The following CSRNP1 variants were observed in gnomAD, a reference collection of about 807,000 sequenced individuals.
CSRNP1 encodes cysteine/serine-rich nuclear protein 1.
Under a neutral mutation model 25.0 loss-of-function variants are expected in CSRNP1, and 8 were observed. The ratio of observed to expected loss-of-function variants is 0.32; its 90% CI spans 0.19 to 0.58. CSRNP1 has a LOEUF of 0.58. CSRNP1 is among the 20% of genes least tolerant of loss of function. The probability of loss-of-function intolerance (pLI) is 0.88; values close to 1 mark genes in which losing one functional copy is unlikely to be tolerated. For synonymous variants in CSRNP1, 305 were observed against 303.1 expected (o/e 1.01, Z -0.06); for missense variants, 691 against 773.1 (o/e 0.89, Z 1.26).
intron 1 of CSRNP1, chr3:39,150,504 T>G (rs2039565406): frequency 6.6e-6 from 1 of 152,132 alleles, no homozygotes; most frequent in African/African-American, 2.4e-5. Flanking sequence ...CCTGTCACAG[T>G]TAATTTAAGA....
chr3:39,152,767 G>A (rs938569509), intron 1 of CSRNP1: 1 of 154,594 alleles, frequency 6.5e-6, no homozygotes, highest in Non-Finnish European at 1.4e-5. Flanking sequence ...GCGGAAGGAG[G>A]AGAAGTGCGT....
chr3:39,151,956 C>T (rs1391432475), intron 1 of CSRNP1: 1 of 152,388 alleles, frequency 6.6e-6, no homozygotes. Flanking sequence ...GGGCCTTCTT[C>T]CCTCTCTCAT....
rs1411840857 is a variant in CSRNP1, at chr3:39,143,502, G to A, written c.1323C>T (p.Thr441=). ...TGAAGCTACAGCCAGAATAGCTGTG[G>A]GTCCAGCTGGCCAGGCCACCAGGGT... is the stretch of plus-strand genomic sequence containing the variant. The part of the protein sequence containing the change: ...TSDPGGLASW[T]HSYSGCSFTS... The change falls in exon 5 of 5, where the codon ACC becomes ACT. Residue 441 remains threonine (T), a synonymous_variant. Coordinates refer to ENST00000273153, the MANE Select transcript of CSRNP1 (RefSeq NM_033027.4). 6.2e-7 allele frequency: 1 copy of A among 1,614,126 alleles called. No homozygotes were observed. Among genetic ancestry groups the A allele is most frequent in the Admixed American group, 1.7e-5 (1 of 60,016 alleles).
rs1027304792 is a variant in CSRNP1, at chr3:39,146,582, G to A, written c.101C>T (p.Ser34Phe). 5 of 1,560,422 alleles carry A rather than the reference G, an allele frequency of 3.2e-6. No homozygotes were observed. The highest frequency in any genetic ancestry group is 1.7e-4 in the Middle Eastern group (1 of 5,998). Residue 34 changes from serine to phenylalanine, a missense_variant, in exon 2 of 5, where the codon TCC (serine) becomes TTC (phenylalanine). Ser to Phe is a radical substitution (Grantham distance 155). Transcript: ENST00000273153. Reference sequence around the variant, plus strand: ...GGCACGGGAGACAGAAGAGCTTGGGGAGCAGGAGCGAGACTGGCACCCAGA... The same window carrying A: ...GGCACGGGAGACAGAAGAGCTTGGGAAGCAGGAGCGAGACTGGCACCCAGA... ...SSSGCQSRSC[S>F]PSSSVSRAWD... is the part of the protein sequence containing the mutation.
chr3:39,144,852 A>C (rs962922735), intron 3 of CSRNP1, 145 bp downstream of exon 3: 68 of 1,017,144 alleles, frequency 6.7e-5, no homozygotes, highest in Non-Finnish European at 9.1e-5. Flanking sequence ...AACAGGCTCC[A>C]ATCAAGCCAA....
rs546791604 is a variant in CSRNP1 at position 39,143,651 on chromosome 3, C to A, written c.1174G>T (p.Ala392Ser). Residue 392 changes from alanine to serine, a missense_variant, in exon 5 of 5, where the codon GCA becomes TCA. Ala to Ser is a moderately conservative substitution (Grantham distance 99). Transcript: ENST00000273153. ...FQPGVDDDSL[A>S]RILSFSDSDF... ...GAGTCACTGAAACTCAAGATGCGTG[C>A]CAGGCTGTCATCATCAACGCCAGGC... The A allele has an allele frequency of 6.2e-7, 1 of 1,614,228 alleles. No homozygotes were observed. Among genetic ancestry groups the A allele is most frequent in the East Asian group, 2.2e-5 (1 of 44,876 alleles).
Position 39,144,330 on chromosome 3 carries a change from A to C in CSRNP1, c.587T>G (p.Val196Gly), listed in dbSNP as rs941546443. The stretch of plus-strand genomic sequence containing the variant: ...GGCTGGGTAGGGCTGTAGGAAGCTC[A>C]CTTCTTCCAACCGGCCACCTGCCAC... Reference protein sequence around the residue: ...VAVAGGRLEEVSFLQPYPARR... With the variant: ...VAVAGGRLEEGSFLQPYPARR... Residue 196 changes from valine to glycine, a missense_variant, in exon 4 of 5, where the codon GTG (valine) becomes GGG (glycine). Coordinates refer to ENST00000273153, the MANE Select transcript of CSRNP1 (RefSeq NM_033027.4). 3.7e-6 allele frequency: 6 copies of C among 1,614,104 alleles called. No individual in the cohort carries two copies. Among genetic ancestry groups the C allele is most frequent in the Non-Finnish European group, 4.2e-6 (5 of 1,180,028 alleles).
At position 39,144,171 on chromosome 3, in the gene CSRNP1, G is replaced by A; in HGVS notation, c.746C>T (p.Thr249Ile). ...GATGCCTGCCAGGCTGCAGCTGCAG[G>A]TCTCAGGGTCGCAGATCCTATCGCA... ...CHCDRICDPE[T>I]CSCSLAGIKC... The change falls in exon 4 of 5, where the codon ACC becomes ATC. Residue 249 changes from threonine to isoleucine, a missense_variant. Transcript: ENST00000273153. 6.2e-7 allele frequency: 1 copy of A among 1,613,964 alleles called. No individual in the cohort carries two copies. Among genetic ancestry groups the A allele is most frequent in the Non-Finnish European group, 8.5e-7 (1 of 1,179,906 alleles).
chr3:39,149,338 G>C (rs1257795988), intron 1 of CSRNP1: 4 of 152,206 alleles, frequency 2.6e-5, no homozygotes, highest in African/African-American at 9.7e-5. Context: ...TGGGGTGGGA[G>C]GTAGGAAGGG....
At chr3:39,144,539 C>T in intron 3 of CSRNP1, 88 bp from the exon 4 acceptor site, 1 of 1,304,942 alleles carries the variant, frequency 7.7e-7, no homozygotes, top group Admixed American at 2.5e-5. Context: ...TCCCCAAGTG[C>T]TTACCCCCCC....
intron 1 of CSRNP1, chr3:39,148,793 G>A (rs2039549567): frequency 6.6e-6 from 1 of 152,168 alleles, no homozygotes; most frequent in South Asian, 2.1e-4. Context: ...AATCCACACA[G>A]AGCCAGGAAC....
At position 39,143,488 on chromosome 3, in the gene CSRNP1, C is replaced by A; in HGVS notation, c.1337G>T (p.Gly446Val). The change falls in exon 5 of 5, where the codon GGC becomes GTC. Residue 446 changes from glycine (G) to valine (V), a missense_variant. Physicochemically the swap from Gly to Val is moderately radical, Grantham distance 109. Transcript: ENST00000273153. ...GLASWTHSYSGCSFTSGVLDE... is the reference protein window; with the variant it reads ...GLASWTHSYSVCSFTSGVLDE... ...CAGGACGCCTGATGTGAAGCTACAG[C>A]CAGAATAGCTGTGGGTCCAGCTGGC... The A allele has an allele frequency of 6.2e-7, 1 of 1,614,134 alleles. No individual in the cohort carries two copies.
At chr3:39,144,946 G>T in intron 3 of CSRNP1, 51 bp downstream of exon 3, 2 of 1,542,910 alleles carry the variant, frequency 1.3e-6, no homozygotes, top group Non-Finnish European at 1.8e-6. Flanking sequence ...CTCAAGGTTA[G>T]GACTCCAGGA....
At chr3:39,144,066 C>CAA in intron 4 of CSRNP1, 22 bp from the exon 5 acceptor site, 1 of 1,608,080 alleles carries the variant, frequency 6.2e-7, no homozygotes, top group Non-Finnish European at 8.5e-7. Context: ...AGTAGAGGTA[C>CAA]AAGTGAGGGT....
In CSRNP1 at chr3:39,153,493, C is replaced by T. The variant is rs1377606129; in HGVS notation, c.-96G>A. ...ACGCGACCCGCGTCCCGGCCGGGGA[C>T]GCCCCCTGCGCCGCGACTCTGTGCG... On this transcript the variant is annotated 5_prime_UTR_variant, in exon 1 of 5. Transcript: ENST00000273153. The T allele has an allele frequency of 1.4e-5, 4 of 293,864 alleles. No individual in the cohort carries two copies. Among genetic ancestry groups the T allele is most frequent in the Admixed American group, 4.1e-5 (1 of 24,644 alleles). 18.2% of individuals were successfully genotyped at this position (293,864 alleles called of 1,614,324 possible).
chr3:39,153,998 A>C (rs1276041909), upstream of CSRNP1: 4 of 151,972 alleles, frequency 2.6e-5, no homozygotes, highest in Admixed American at 6.6e-5. Flanking sequence ...GGCAGAGCCG[A>C]CGTCTCCTGT....
Position 39,146,475 on chromosome 3 carries a change from C to T in CSRNP1, c.205+3G>A. ...TGGAGTTCCCAGGGGAGGGAGTACT[C>T]ACGGGTGAAACTTCTGGGGCCGCAG... On this transcript the variant is annotated splice_donor_region_variant and intron_variant, in intron 2 of 4. Transcript: ENST00000273153. The T allele has an allele frequency of 6.5e-7, 1 of 1,536,594 alleles. No individual in the cohort carries two copies.
intron 1 of CSRNP1, chr3:39,152,383 G>A (rs1559735136): frequency 6.5e-6 from 1 of 152,930 alleles, no homozygotes; most frequent in Non-Finnish European, 1.5e-5. Context: ...GCTCAGCACC[G>A]GGAGTGGAGG....
chr3:39,144,774 T>C (rs1249583830), intron 3 of CSRNP1, among the ~76,000 whole-genome samples: 1 of 152,024 alleles, frequency 6.6e-6, no homozygotes, highest in Admixed American at 6.5e-5. Flanking sequence ...TCAGGTATCA[T>C]GCCCCCAGCC....
Sources: gnomAD v4.1 joint callset for allele counts (sites outside exome capture counted in the v4.1 genomes callset) on GRCh38, gnomAD v4.1.1 for gene constraint, MANE v1.5 for transcripts, NCBI Gene and HGNC (gene_info 2026-07-23, HGNC 2026-07-21) for gene names.